The following CPEB1 variants were observed in gnomAD, a reference collection of about 807,000 sequenced individuals.
CPEB1 encodes cytoplasmic polyadenylation element binding protein 1.
Under a neutral mutation model 65.8 loss-of-function variants are expected in CPEB1, and 7 were observed. The ratio of observed to expected loss-of-function variants is 0.11; its 90% CI spans 0.06 to 0.20. The LOEUF (loss-of-function observed/expected upper bound fraction) is 0.20. Among genes scored for constraint, CPEB1 ranks in the 10% least tolerant of loss-of-function variants. The pLI is 1.00. For synonymous variants in CPEB1, 262 were observed against 260.0 expected (o/e 1.01, Z -0.08); for missense variants, 551 against 712.2 (o/e 0.77, Z 2.58).
chr15:82,548,829 T>A, intron 10 of CPEB1: 1 of 371,424 alleles, frequency 2.7e-6, no homozygotes, highest in Non-Finnish European at 5.6e-6. Context: ...GACTAAGCAT[T>A]TGGGGAGGTG....
At chr15:82,547,309 T>C in intron 10 of CPEB1, 72 bp from the exon 11 acceptor site, 1 of 947,776 alleles carries the variant, frequency 1.1e-6, no homozygotes, top group Non-Finnish European at 1.6e-6. Context: ...TTTTTTTTTT[T>C]TTTTTGAGAT....
At chr15:82,632,415 C>CT (rs2046338616) in intron 1 of CPEB1, among the ~76,000 whole-genome samples, 1 of 152,100 alleles carries the variant, frequency 6.6e-6, no homozygotes, top group African/African-American at 2.4e-5. Flanking sequence ...ATTCAGGTGT[C>CT]TAATTTCTAC....
chr15:82,609,130 T>C (rs562948914), intron 3 of CPEB1, among the ~76,000 whole-genome samples: 26 of 152,134 alleles, frequency 1.7e-4, no homozygotes, highest in Non-Finnish European at 3.1e-4. Flanking sequence ...AGAAAATACT[T>C]TGAGATAAAG....
intron 3 of CPEB1, among the ~76,000 whole-genome samples, chr15:82,598,008 T>C (rs1404538856): frequency 1.3e-5 from 2 of 152,228 alleles, no homozygotes; most frequent in African/African-American, 4.8e-5. Context: ...AGGCTGGTTC[T>C]ACTACTTCAC....
chr15:82,600,108 A>G (rs2042977775), intron 3 of CPEB1, among the ~76,000 whole-genome samples: 1 of 152,178 alleles, frequency 6.6e-6, no homozygotes, highest in Non-Finnish European at 1.5e-5. Context: ...CAAGGAAGAA[A>G]AAAGATAACC....
At chr15:82,625,727 T>A (rs564627683) in intron 3 of CPEB1, among the ~76,000 whole-genome samples, 1 of 152,354 alleles carries the variant, frequency 6.6e-6, no homozygotes, top group Admixed American at 6.5e-5. Flanking sequence ...GCTCAAGGGT[T>A]GACTGTAATT....
intron 3 of CPEB1, among the ~76,000 whole-genome samples, chr15:82,584,041 C>T (rs568825868): frequency 9.9e-5 from 15 of 151,704 alleles, no homozygotes; most frequent in Non-Finnish European, 1.9e-4. Context: ...AGGTGGATCA[C>T]AAGGTCAGGA....
chr15:82,591,842 C>CTTTT (rs771971142), intron 3 of CPEB1, among the ~76,000 whole-genome samples: 2 of 134,132 alleles, frequency 1.5e-5, no homozygotes, highest in Non-Finnish European at 3.3e-5. Context: ...TGTATCAGAA[C>CTTTT]TTTTTTTTTT....
chr15:82,646,425 G>A (rs183838797), intron 1 of CPEB1, among the ~76,000 whole-genome samples: 31 of 152,316 alleles, frequency 2.0e-4, no homozygotes, highest in Non-Finnish European at 3.5e-4. Context: ...GAGAAATGCG[G>A]CGTCAGTCAG....
At chr15:82,637,703 A>T (rs1039576972) in intron 1 of CPEB1, among the ~76,000 whole-genome samples, 2 of 152,168 alleles carry the variant, frequency 1.3e-5, no homozygotes, top group African/African-American at 2.4e-5. Context: ...AGACGTCTTC[A>T]TTCCTGCCTG....
chr15:82,551,189 C>G (rs1287641536), intron 9 of CPEB1, among the ~76,000 whole-genome samples: 2 of 152,140 alleles, frequency 1.3e-5, no homozygotes, highest in African/African-American at 4.8e-5. Context: ...CAAGAGCCAG[C>G]TTTGTTACAT....
rs1330106798 is a variant in CPEB1, at chr15:82,549,593, G to A, written c.1347C>T (p.Asp449=). The A allele has an allele frequency of 6.2e-7, 1 of 1,614,176 alleles. No individual in the cohort carries two copies. The highest frequency in any genetic ancestry group is 8.5e-7 in the Non-Finnish European group (1 of 1,180,026). ...NFVRSPSQRL[D]PSRTVFVGAL... ...CACCGACAAACACCGTCCTGCTGGG[G>A]TCAAGCCTCTGAGATGGGCTCCGGA... Residue 449 remains aspartate (D), a synonymous_variant, in exon 10 of 13, where the codon GAC becomes GAT. Coordinates refer to ENST00000684509, the MANE Select transcript of CPEB1 (RefSeq NM_001365242.1).
intron 4 of CPEB1, among the ~76,000 whole-genome samples, chr15:82,559,140 T>C (rs549193356): frequency 2.0e-5 from 3 of 152,324 alleles, no homozygotes; most frequent in East Asian, 3.9e-4. Flanking sequence ...TCAGTTTGAA[T>C]GCTTGTCTGG....
At chr15:82,571,235 A>G in intron 4 of CPEB1, 109 bp downstream of exon 4, 1 of 1,376,298 alleles carries the variant, frequency 7.3e-7, no homozygotes, top group Non-Finnish European at 9.7e-7. Flanking sequence ...GTATGTGTGT[A>G]TGGTGGGGAG....
intron 3 of CPEB1, chr15:82,571,815 CAGCCGGCTGAGCCGTGCAATAG>C: frequency 8.1e-7 from 1 of 1,234,958 alleles, no homozygotes; most frequent in Admixed American, 3.8e-5. Context: ...CCAGTGACAT[CAGCCGGCTGAGCCGTGCAATAG>C]AGAGCGGCAT....
At chr15:82,601,239 T>A (rs1207267027) in intron 3 of CPEB1, among the ~76,000 whole-genome samples, 2 of 144,426 alleles carry the variant, frequency 1.4e-5, no homozygotes, top group Non-Finnish European at 1.5e-5. Flanking sequence ...GTGGTTTTCT[T>A]AAAAAAAAAA....
intron 4 of CPEB1, among the ~76,000 whole-genome samples, chr15:82,567,590 C>T (rs963641595): frequency 1.3e-5 from 2 of 151,396 alleles, no homozygotes; most frequent in South Asian, 2.1e-4. Context: ...GAGCCAAGAT[C>T]GCACCACTGT....
At chr15:82,627,910 A>T (rs1321543771) in intron 2 of CPEB1, among the ~76,000 whole-genome samples, 2 of 152,208 alleles carry the variant, frequency 1.3e-5, no homozygotes, top group Non-Finnish European at 2.9e-5. Flanking sequence ...GGTACTCAGA[A>T]GTTCTTTTAA....
intron 4 of CPEB1, among the ~76,000 whole-genome samples, chr15:82,566,770 C>T (rs986963070): frequency 1.3e-5 from 2 of 152,136 alleles, no homozygotes; most frequent in African/African-American, 4.8e-5. Context: ...CCAGGTTCTC[C>T]CTCCTCTCTG....
Sources: gnomAD v4.1 joint callset for allele counts (sites outside exome capture counted in the v4.1 genomes callset) on GRCh38, gnomAD v4.1.1 for gene constraint, MANE v1.5 for transcripts, NCBI Gene and HGNC (gene_info 2026-07-23, HGNC 2026-07-21) for gene names.